Variants in SLIT3 observed in about 807,000 individuals in gnomAD.
SLIT3 encodes the protein slit guidance ligand 3.
A neutral mutation model predicts 184.0 loss-of-function variants in SLIT3; 68 were observed. The ratio of observed to expected loss-of-function variants is 0.37; its 90% CI spans 0.30 to 0.45. SLIT3 has a LOEUF of 0.45. Among genes scored for constraint, SLIT3 ranks in the 20% least tolerant of loss-of-function variants. The pLI, the probability that SLIT3 is intolerant of heterozygous loss-of-function variation, is 1.00. For missense variants in SLIT3, 1,707 were observed against 2,026.0 expected (o/e 0.84, Z 3.02); for synonymous variants, 831 against 828.6 (o/e 1.00, Z -0.05).
At chr5:168,846,719 T>C (rs62378545) in intron 5 of SLIT3, among the ~76,000 whole-genome samples, 3,021 of 152,320 alleles carry the variant, frequency 0.02, 35 homozygotes, top group African/African-American at 0.026. Flanking sequence ...TGTGGTGCAT[T>C]GGTTTTCGTG....
At chr5:168,882,165 C>T (rs930300043) in intron 5 of SLIT3, among the ~76,000 whole-genome samples, 5 of 152,192 alleles carry the variant, frequency 3.3e-5, no homozygotes, top group African/African-American at 1.2e-4. Flanking sequence ...GGAAAAGTGA[C>T]AATGTCTTTT....
chr5:169,298,175 C>T (rs1021235153), intron 1 of SLIT3, among the ~76,000 whole-genome samples: 13 of 152,118 alleles, frequency 8.5e-5, no homozygotes, highest in Admixed American at 1.3e-4. Context: ...GAGATACCAT[C>T]GCGGCACCCC....
intron 4 of SLIT3, among the ~76,000 whole-genome samples, chr5:169,133,520 T>G (rs1241222700): frequency 6.6e-6 from 1 of 152,226 alleles, no homozygotes; most frequent in African/African-American, 2.4e-5. Flanking sequence ...CATGCTGACG[T>G]ATCAAAGGAT....
intron 1 of SLIT3, among the ~76,000 whole-genome samples, chr5:169,255,428 T>C (rs1308827093): frequency 6.6e-6 from 1 of 152,044 alleles, no homozygotes; most frequent in South Asian, 2.1e-4. Context: ...CCTAGGCTAA[T>C]GTGCGTGCTT....
chr5:169,055,274 G>A (rs1339751958), intron 4 of SLIT3, among the ~76,000 whole-genome samples: 1 of 152,148 alleles, frequency 6.6e-6, no homozygotes, highest in Non-Finnish European at 1.5e-5. Context: ...TTGTAGATTA[G>A]AAAGATGGAT....
intron 11 of SLIT3, among the ~76,000 whole-genome samples, chr5:168,788,167 G>C (rs1054664959): frequency 2.0e-5 from 3 of 152,088 alleles, no homozygotes; most frequent in Non-Finnish European, 4.4e-5. Context: ...GAGAGAGGGT[G>C]GGGGCAGAGA....
At chr5:168,921,422 G>A (rs1167065382) in intron 4 of SLIT3, among the ~76,000 whole-genome samples, 1 of 151,998 alleles carries the variant, frequency 6.6e-6, no homozygotes, top group Non-Finnish European at 1.5e-5. Context: ...TTTCTCTGTT[G>A]GCAACATTTT....
chr5:168,728,441 A>G (rs759382397), intron 20 of SLIT3, among the ~76,000 whole-genome samples: 1 of 152,096 alleles, frequency 6.6e-6, no homozygotes, highest in Non-Finnish European at 1.5e-5. Context: ...AAGGACCACA[A>G]TTGTCCAGCA....
chr5:168,768,265 G>C (rs1224435056), intron 14 of SLIT3: 2 of 501,908 alleles, frequency 4.0e-6, no homozygotes, highest in South Asian at 1.5e-5. Context: ...CAGAGTCAAG[G>C]TCAGGAAGCA....
intron 10 of SLIT3, among the ~76,000 whole-genome samples, chr5:168,793,122 AG>A (rs1422116474): frequency 6.6e-6 from 1 of 152,238 alleles, no homozygotes. Flanking sequence ...ATTTTGGATA[AG>A]GAATACTCAA....
intron 4 of SLIT3, among the ~76,000 whole-genome samples, chr5:168,973,366 G>GCCT (rs1461040922): frequency 1.3e-5 from 2 of 152,130 alleles, no homozygotes; most frequent in African/African-American, 4.8e-5. Flanking sequence ...TCCTACCTCA[G>GCCT]CCTCCTGAGT....
chr5:169,203,736 A>C (rs574468381), intron 3 of SLIT3, among the ~76,000 whole-genome samples: 50 of 152,270 alleles, frequency 3.3e-4, no homozygotes, highest in African/African-American at 1.2e-3. Context: ...GGTAGAGCAG[A>C]CAGGATTTGC....
At chr5:168,768,210 C>G in intron 14 of SLIT3, 1 of 523,344 alleles carries the variant, frequency 1.9e-6, no homozygotes, top group Non-Finnish European at 3.9e-6. Context: ...ATCGTTCCAC[C>G]ACATGGTTAG....
chr5:168,768,505 G>T (rs1395837717), intron 14 of SLIT3, among the ~76,000 whole-genome samples: 1 of 152,188 alleles, frequency 6.6e-6, no homozygotes, highest in Non-Finnish European at 1.5e-5. Context: ...GGACAGCATG[G>T]TTCCTTCCCA....
At chr5:168,763,710 T>C (rs1260002215) in intron 14 of SLIT3, among the ~76,000 whole-genome samples, 1 of 152,208 alleles carries the variant, frequency 6.6e-6, no homozygotes, top group Non-Finnish European at 1.5e-5. Flanking sequence ...ATCATGCTGG[T>C]TGGAACTGAA....
rs545909635 is a variant in SLIT3, at chr5:169,158,473, TA to T, written c.413+35005del. Among the ~76,000 whole-genome samples the T allele has an allele frequency of 8.0e-5, 12 of 150,818 alleles. No homozygotes were observed. The South Asian group carries it at 8.4e-4, about 11-fold the overall frequency. On this transcript the variant is annotated intron_variant, in intron 4 of 35. Coordinates refer to ENST00000519560, the MANE Select transcript of SLIT3 (RefSeq NM_003062.4). ...TAGCAGATGGCCCCTAAAAGATGGC[TA>T]AAAAAAAATCCTCTAAACAAAAAGA... is the stretch of plus-strand genomic sequence containing the variant.
chr5:169,233,450 G>A (rs888231711), intron 3 of SLIT3, among the ~76,000 whole-genome samples: 33 of 147,860 alleles, frequency 2.2e-4, no homozygotes, highest in Non-Finnish European at 4.0e-4. Context: ...AGTGACCTTA[G>A]AAATCTACTT....
At chr5:168,808,029 G>A (rs1264602584) in intron 8 of SLIT3, among the ~76,000 whole-genome samples, 6 of 152,010 alleles carry the variant, frequency 3.9e-5, no homozygotes, top group Non-Finnish European at 7.4e-5. Context: ...TATTTCCCTC[G>A]ACCTCACTTA....
intron 32 of SLIT3, 42 bp downstream of exon 32, chr5:168,683,924 C>A (rs751206446): frequency 1.4e-6 from 2 of 1,417,184 alleles, no homozygotes; most frequent in Non-Finnish European, 1.9e-6. Flanking sequence ...CAGAAGGATG[C>A]GGAGGAACAC....
Sources: gnomAD v4.1 joint callset for allele counts (sites outside exome capture counted in the v4.1 genomes callset) on GRCh38, gnomAD v4.1.1 for gene constraint, MANE v1.5 for transcripts, NCBI Gene and HGNC (gene_info 2026-07-23, HGNC 2026-07-21) for gene names.